The following PDLIM5 variants were observed in gnomAD, a reference collection of about 807,000 sequenced individuals.
The protein encoded by PDLIM5 is PDZ and LIM domain 5.
Under a neutral mutation model 64.2 loss-of-function variants are expected in PDLIM5, and 34 were observed. The ratio of observed to expected loss-of-function variants is 0.53; its 90% CI spans 0.40 to 0.71. The LOEUF is 0.71. PDLIM5 is among the 30% of genes least tolerant of loss of function. The pLI is 0.00. For missense variants in PDLIM5, 683 were observed against 733.6 expected, an observed-to-expected ratio of 0.93 and a Z score of 0.80; for synonymous variants, 253 against 269.1, an observed-to-expected ratio of 0.94 and a Z score of 0.59.
intron 2 of PDLIM5, among the ~76,000 whole-genome samples, chr4:94,481,353 G>A (rs1725831426): frequency 6.8e-6 from 1 of 147,832 alleles, no homozygotes; most frequent in Non-Finnish European, 1.5e-5. Context: ...GCAGTGGTGC[G>A]ATCTCAGCTC....
chr4:94,461,145 A>G (rs1723842251), intron 2 of PDLIM5, among the ~76,000 whole-genome samples: 1 of 152,198 alleles, frequency 6.6e-6, no homozygotes. Context: ...CTAGAAGCAA[A>G]CGTTGCTTTA....
At chr4:94,608,509 A>G (rs535711622) in intron 7 of PDLIM5, among the ~76,000 whole-genome samples, 1 of 152,250 alleles carries the variant, frequency 6.6e-6, no homozygotes, top group East Asian at 1.9e-4. Context: ...GTCATACACA[A>G]TATGTTACCA....
In PDLIM5 at chr4:94,549,556, G is replaced by A. The variant is rs148509549; in HGVS notation, c.249-23795G>A. On this transcript the variant is annotated intron_variant, in intron 3 of 12. Coordinates refer to ENST00000317968, the MANE Select transcript of PDLIM5 (RefSeq NM_006457.5). ...CAGGAAATGGAGTCAATATATCTTC[G>A]TCTGTCTGTATAATGGAACAATATG... 5.3e-4 allele frequency among the ~76,000 whole-genome samples: 80 copies of A among 152,178 alleles called. 1 individual carries two copies. In the East Asian group the frequency reaches 0.013, roughly 25 times the overall value.
intron 2 of PDLIM5, among the ~76,000 whole-genome samples, chr4:94,471,048 A>T (rs116142029): frequency 2.0e-5 from 3 of 152,214 alleles, no homozygotes; most frequent in Non-Finnish European, 2.9e-5. Context: ...TTTCACTATC[A>T]TGAGAGCAGC....
In PDLIM5 at chr4:94,664,416, TTAGG is replaced by T. The variant is rs1242921562; in HGVS notation, c.*353_*356del. On this transcript the variant is annotated 3_prime_UTR_variant, in exon 13 of 13. Transcript: ENST00000317968. ...GAAATAATTATACCTTCTTTCCTTG[TTAGG>T]TAGTTATGAGTAAATCTGCAAAAGG... 1 of 778,166 alleles carries T rather than the reference TTAGG, an allele frequency of 1.3e-6. No individual in the cohort carries two copies. The highest frequency in any genetic ancestry group is 1.9e-5 in the African/African-American group (1 of 53,084). The allele number at this position is 778,166 out of a possible 1,614,324, so 48.2% of individuals were successfully genotyped here.
At position 94,576,379 on chromosome 4, in the gene PDLIM5, C is replaced by G. The variant is rs11943838; in HGVS notation, c.710+345C>G. Among the ~76,000 whole-genome samples the G allele has an allele frequency of 1.2e-3, 177 of 152,228 alleles. 1 individual carries two copies. Among genetic ancestry groups the G allele is most frequent in the African/African-American group, 4.1e-3 (169 of 41,542 alleles). On this transcript the variant is annotated intron_variant, in intron 5 of 12. Coordinates refer to ENST00000317968, the MANE Select transcript of PDLIM5 (RefSeq NM_006457.5). The stretch of plus-strand genomic sequence containing the variant: ...CAATTTTTTCATTCTTTTAAATAGG[C>G]CACCAAAAGTTCAAACAGTGGTTAC...
At position 94,536,698 on chromosome 4, in the gene PDLIM5, G is replaced by A. The variant is rs549651216; in HGVS notation, c.248+12823G>A. Among the ~76,000 whole-genome samples the A allele has an allele frequency of 1.6e-3, 242 of 152,286 alleles. 3 individuals carry two copies. The highest frequency in any genetic ancestry group is 2.1e-3 in the Non-Finnish European group (144 of 68,030). On this transcript the variant is annotated intron_variant, in intron 3 of 12. Coordinates refer to ENST00000317968, the MANE Select transcript of PDLIM5 (RefSeq NM_006457.5). ...TTTAGAAATCATTTACAAGTTATTA[G>A]TGAGGTAAATAGTGACAAGCTGGTC...
chr4:94,579,506 C>T lies in PDLIM5; in HGVS notation c.710+3472C>T, dbSNP rs765495170. On this transcript the variant is annotated intron_variant, in intron 5 of 12. Transcript: ENST00000317968. ...GATGTGGTAGTAATATTTTAAAATA[C>T]TTTTCTCTTTGCAGAAAACACAAGT... 6.0e-6 allele frequency: 8 copies of T among 1,323,548 alleles called. No homozygotes were observed. In the East Asian group the frequency reaches 2.0e-4, roughly 33 times the overall value. 82.0% of individuals were successfully genotyped at this position (1,323,548 alleles called of 1,614,324 possible). A position where few individuals can be genotyped will look rare whatever the true frequency, so the allele number is the denominator to read the frequency against.
Position 94,575,957 on chromosome 4 carries a change from C to T in PDLIM5, c.633C>T (p.Ser211=), listed in dbSNP as rs540860778. ...VNVPRQPTVT[S]VCSETSQELA... ...TCCCACGGCAGCCCACAGTCACCAG[C>T]GTGTGTTCCGAGACTTCTCAGGAGC... The change falls in exon 5 of 13, where the codon AGC becomes AGT. Residue 211 remains serine (S), a synonymous_variant. Transcript: ENST00000317968. 3.7e-6 allele frequency: 6 copies of T among 1,614,098 alleles called. No homozygotes were observed. The highest frequency in any genetic ancestry group is 2.7e-5 in the African/African-American group (2 of 75,034).
intron 3 of PDLIM5, among the ~76,000 whole-genome samples, chr4:94,564,527 A>C (rs1043263364): frequency 6.6e-6 from 1 of 151,992 alleles, no homozygotes; most frequent in African/African-American, 2.4e-5. Context: ...CTTTTGTATA[A>C]AATAGTGTGT....
Position 94,662,470 on chromosome 4 carries a change from T to G in PDLIM5, c.1634T>G (p.Ile545Arg). ...GTICHGCEFPIEAGDMFLEAL... is the reference protein window; with the variant it reads ...GTICHGCEFPREAGDMFLEAL... ...ATATGCCATGGATGTGAATTTCCCA[T>G]AGAAGCTGGTGACATGTTCCTGGAA... Residue 545 changes from isoleucine (I) to arginine (R), a missense_variant, in exon 12 of 13, where the codon ATA (isoleucine) becomes AGA (arginine). Transcript: ENST00000317968. 6.2e-7 allele frequency: 1 copy of G among 1,607,258 alleles called. No homozygotes were observed. Among genetic ancestry groups the G allele is most frequent in the Non-Finnish European group, 8.5e-7 (1 of 1,173,766 alleles).
chr4:94,636,528 T>C (rs989155543), intron 8 of PDLIM5, among the ~76,000 whole-genome samples: 4 of 150,752 alleles, frequency 2.7e-5, no homozygotes, highest in Non-Finnish European at 5.9e-5. Flanking sequence ...AAGAAGTATA[T>C]AGAGTTCGTA....
intron 7 of PDLIM5, among the ~76,000 whole-genome samples, chr4:94,612,586 A>G (rs1738464123): frequency 1.3e-5 from 2 of 152,186 alleles, no homozygotes; most frequent in Non-Finnish European, 2.9e-5. Context: ...TGACTGTGCT[A>G]TCTATGGCCC....
intron 3 of PDLIM5, among the ~76,000 whole-genome samples, chr4:94,529,058 G>A (rs1367694701): frequency 2.0e-5 from 3 of 152,216 alleles, no homozygotes; most frequent in East Asian, 1.9e-4. Context: ...TAGAAGTGGC[G>A]AGAACTTGTA....
In PDLIM5 at chr4:94,575,738, A is replaced by G. The variant is rs373008913; in HGVS notation, c.414A>G (p.Pro138=). ...GGCCTTTTGGTTCTGTGTCTTCACC[A>G]AAAGTCACATCCATCCCATCACCAT... ...APRPFGSVSS[P]KVTSIPSPSS... is the part of the protein sequence containing the mutation. Residue 138 remains proline (P), a synonymous_variant, in exon 5 of 13, where the codon CCA becomes CCG. Coordinates refer to ENST00000317968, the MANE Select transcript of PDLIM5 (RefSeq NM_006457.5). The G allele has an allele frequency of 1.9e-6, 3 of 1,614,106 alleles. No individual in the cohort carries two copies. Among genetic ancestry groups the G allele is most frequent in the South Asian group, 2.2e-5 (2 of 91,080 alleles).
At chr4:94,540,279 G>A (rs967065721) in intron 3 of PDLIM5, among the ~76,000 whole-genome samples, 3 of 151,794 alleles carry the variant, frequency 2.0e-5, no homozygotes. Context: ...CACCATGCCC[G>A]GCTAATTTTT....
chr4:94,586,874 A>T, intron 7 of PDLIM5: 1 of 979,236 alleles, frequency 1.0e-6, no homozygotes, highest in Non-Finnish European at 1.5e-6. Context: ...ATGTGAAATT[A>T]AGCTTTTATA....
At chr4:94,469,257 A>G (rs1175740922) in intron 2 of PDLIM5, among the ~76,000 whole-genome samples, 6 of 152,252 alleles carry the variant, frequency 3.9e-5, no homozygotes, top group Admixed American at 2.6e-4. Context: ...AACAAAAAAC[A>G]TAAGCAATGT....
chr4:94,579,534 C>T, intron 5 of PDLIM5: 1 of 1,360,548 alleles, frequency 7.3e-7, no homozygotes, highest in Non-Finnish European at 1.0e-6. Flanking sequence ...ACACAAGTGA[C>T]AAAGTTAGTA....
Sources: gnomAD v4.1 joint callset for allele counts (sites outside exome capture counted in the v4.1 genomes callset) on GRCh38, gnomAD v4.1.1 for gene constraint, MANE v1.5 for transcripts, NCBI Gene and HGNC (gene_info 2026-07-23, HGNC 2026-07-21) for gene names.